The following RERE variants were observed in gnomAD, a reference collection of about 807,000 sequenced individuals.
RERE encodes arginine-glutamic acid dipeptide repeats protein.
A neutral mutation model predicts 146.1 loss-of-function variants in RERE; 40 were observed. The observed-to-expected ratio is 0.27, with a 90% confidence interval of 0.21 to 0.36. The LOEUF (loss-of-function observed/expected upper bound fraction) is 0.36, where lower values mean the gene tolerates loss of function less well. Among genes scored for constraint, RERE ranks in the 10% least tolerant of loss-of-function variants. The probability of loss-of-function intolerance (pLI) is 1.00; values close to 1 mark genes in which losing one functional copy is unlikely to be tolerated. For missense variants in RERE, 1,933 were observed against 2,138.7 expected (o/e 0.90, Z 1.90); for synonymous variants, 1,003 against 866.0 (o/e 1.16, Z -2.78).
At chr1:8,802,522 A>T (rs1641608284) in intron 1 of RERE, among the ~76,000 whole-genome samples, 1 of 152,128 alleles carries the variant, frequency 6.6e-6, no homozygotes, top group African/African-American at 2.4e-5. Flanking sequence ...TACTTATCAC[A>T]TGTCCAAATC....
chr1:8,689,376 G>C (rs1639158701), intron 1 of RERE, among the ~76,000 whole-genome samples: 1 of 152,174 alleles, frequency 6.6e-6, no homozygotes, highest in South Asian at 2.1e-4. Flanking sequence ...TCTGGTTGTA[G>C]ATAGCCACAA....
intron 8 of RERE, among the ~76,000 whole-genome samples, chr1:8,507,834 G>GGTT (rs1340051334): frequency 1.5e-5 from 2 of 132,308 alleles, no homozygotes; most frequent in East Asian, 4.8e-4. Flanking sequence ...CCGCCTCCGG[G>GGTT]GTTCAAGTGA....
chr1:8,595,414 T>TAC (rs956585906), intron 4 of RERE, among the ~76,000 whole-genome samples: 13 of 151,938 alleles, frequency 8.6e-5, no homozygotes, highest in African/African-American at 2.4e-4. Context: ...TTAAAAAAAG[T>TAC]ACACACACAC....
chr1:8,771,867 G>A (rs183866883), intron 1 of RERE, among the ~76,000 whole-genome samples: 3,337 of 138,190 alleles, frequency 0.024, 124 homozygotes, highest in African/African-American at 0.085. Flanking sequence ...CGGAGATCAC[G>A]CCACTGCACT....
intron 12 of RERE, among the ~76,000 whole-genome samples, chr1:8,384,636 C>G (rs973541460): frequency 3.9e-5 from 6 of 152,212 alleles, no homozygotes; most frequent in African/African-American, 1.4e-4. Flanking sequence ...CACATATGAT[C>G]TGGATCAGAA....
chr1:8,695,734 T>C lies in RERE; in HGVS notation c.-144-39293A>G, dbSNP rs1009091482. 1.3e-5 allele frequency among the ~76,000 whole-genome samples: 2 copies of C among 151,882 alleles called. 1 individual carries two copies. Among genetic ancestry groups the C allele is most frequent in the African/African-American group, 4.8e-5 (2 of 41,322 alleles). On this transcript the variant is annotated intron_variant, in intron 1 of 22. Coordinates refer to ENST00000400908, the MANE Select transcript of RERE (RefSeq NM_001042681.2). ...GAGATCACGCCACTGCACTCCAGTC[T>C]GGGTAACAGGGTGAGACTCCAACTC...
chr1:8,792,962 G>A (rs1391554083), intron 1 of RERE, among the ~76,000 whole-genome samples: 1 of 151,976 alleles, frequency 6.6e-6, no homozygotes, highest in Non-Finnish European at 1.5e-5. Flanking sequence ...TTCGAGACCA[G>A]CCTGGCCAAC....
chr1:8,380,615 G>C (rs2124405695), intron 12 of RERE: 1 of 348,642 alleles, frequency 2.9e-6, no homozygotes, highest in East Asian at 7.8e-5. Flanking sequence ...CTAAAGTGCT[G>C]GGATTACAGG....
intron 1 of RERE, among the ~76,000 whole-genome samples, chr1:8,781,963 C>A (rs899778509): frequency 1.3e-5 from 2 of 152,112 alleles, no homozygotes; most frequent in Admixed American, 1.3e-4. Context: ...TGAAATTATA[C>A]CTGATTTTGA....
At chr1:8,435,197 T>G (rs997035854) in intron 11 of RERE, among the ~76,000 whole-genome samples, 1 of 152,266 alleles carries the variant, frequency 6.6e-6, no homozygotes, top group African/African-American at 2.4e-5. Context: ...AACCTTACTC[T>G]GCCTTCATTT....
At chr1:8,567,904 T>C (rs191758635) in intron 4 of RERE, among the ~76,000 whole-genome samples, 11 of 152,326 alleles carry the variant, frequency 7.2e-5, no homozygotes, top group Admixed American at 7.2e-4. Flanking sequence ...AGAGCACTTC[T>C]GTAGCTCCCC....
rs144242252 is a variant in RERE, at chr1:8,443,756, C to G, written c.1204-20949G>C. On this transcript the variant is annotated intron_variant, in intron 11 of 22. Transcript: ENST00000400908. The stretch of plus-strand genomic sequence containing the variant: ...CATGCCCCTGTGACTACATCCTTGG[C>G]TCAAAGGGCCTCTGATACAGCTCAG... 8.8e-3 allele frequency among the ~76,000 whole-genome samples: 1,336 copies of G among 152,298 alleles called. 19 individuals are homozygous for G. Among genetic ancestry groups the G allele is most frequent in the African/African-American group, 0.031 (1,274 of 41,582 alleles).
chr1:8,512,473 A>C (rs1487656954), intron 7 of RERE, among the ~76,000 whole-genome samples: 2 of 151,776 alleles, frequency 1.3e-5, no homozygotes, highest in Non-Finnish European at 2.9e-5. Context: ...TGGTCCCAGA[A>C]TCTGTCTCTT....
At chr1:8,616,872 C>T (rs894607050) in intron 3 of RERE, among the ~76,000 whole-genome samples, 15 of 152,160 alleles carry the variant, frequency 9.9e-5, no homozygotes, top group Non-Finnish European at 4.4e-5. Context: ...ATTCCCAAGG[C>T]CTCATTTTGA....
intron 6 of RERE, among the ~76,000 whole-genome samples, chr1:8,542,631 T>G (rs1645812758): frequency 1.3e-5 from 2 of 152,264 alleles, no homozygotes; most frequent in African/African-American, 4.8e-5. Context: ...AAGAAAAACT[T>G]GGGCAACATT....
intron 1 of RERE, among the ~76,000 whole-genome samples, chr1:8,767,399 G>A (rs142698910): frequency 6.6e-6 from 1 of 152,226 alleles, no homozygotes; most frequent in East Asian, 1.9e-4. Flanking sequence ...GCCAGAATTT[G>A]AGACCAGCCT....
chr1:8,794,643 T>C (rs1392406528), intron 1 of RERE, among the ~76,000 whole-genome samples: 1 of 151,910 alleles, frequency 6.6e-6, no homozygotes, highest in Non-Finnish European at 1.5e-5. Context: ...ATGCCTGTAA[T>C]CCCTGCACTT....
chr1:8,583,732 C>T (rs1646395148), intron 4 of RERE, among the ~76,000 whole-genome samples: 1 of 151,560 alleles, frequency 6.6e-6, no homozygotes, highest in South Asian at 2.1e-4. Flanking sequence ...AAAGAAGATC[C>T]AAATGAAAGT....
At chr1:8,684,140 T>A (rs1345599187) in intron 1 of RERE, among the ~76,000 whole-genome samples, 1 of 152,134 alleles carries the variant, frequency 6.6e-6, no homozygotes, top group Non-Finnish European at 1.5e-5. Context: ...ACCAAAAGGA[T>A]CTTAGTAATT....
Sources: allele counts gnomAD v4.1 joint callset (sites outside exome capture counted in the v4.1 genomes callset), GRCh38; gene constraint gnomAD v4.1.1; transcripts MANE v1.5; gene names NCBI Gene and HGNC (gene_info 2026-07-23, HGNC 2026-07-21).